The following CACNG3 variants were observed in gnomAD, a reference collection of about 807,000 sequenced individuals.
The protein encoded by CACNG3 is voltage-dependent calcium channel gamma-3 subunit.
CACNG3 carries 3 observed loss-of-function variants against 28.5 expected under a neutral mutation model. The ratio of observed to expected loss-of-function variants is 0.11; its 90% CI spans 0.05 to 0.27. The LOEUF is 0.27. Ranked by LOEUF, CACNG3 falls within the 10% of genes least tolerant of loss-of-function variation. The probability of loss-of-function intolerance (pLI) is 1.00; values close to 1 mark genes in which losing one functional copy is unlikely to be tolerated. For synonymous variants in CACNG3, 174 were observed against 162.2 expected (o/e 1.07, Z -0.55); for missense variants, 236 against 414.4 (o/e 0.57, Z 3.74).
chr16:24,261,383 T>C (rs1898535705), intron 1 of CACNG3, among the ~76,000 whole-genome samples: 1 of 152,184 alleles, frequency 6.6e-6, no homozygotes, highest in Non-Finnish European at 1.5e-5. Flanking sequence ...ATTTTTACCT[T>C]GGAGAAATAG....
chr16:24,329,565 C>T (rs966045339), intron 1 of CACNG3, among the ~76,000 whole-genome samples: 11 of 152,142 alleles, frequency 7.2e-5, no homozygotes, highest in African/African-American at 2.7e-4. Context: ...AATCCAAGCC[C>T]AGGTCTCTCA....
In CACNG3 at chr16:24,323,219, CAAAAAAAA is replaced by C. The variant is rs761999416; in HGVS notation, c.212-23501_212-23494del. Among the ~76,000 whole-genome samples, 3 of 66,794 alleles carry C rather than the reference CAAAAAAAA, an allele frequency of 4.5e-5. No individual in the cohort carries two copies. In the East Asian group the frequency reaches 1.5e-3, roughly 34 times the overall value. The allele number at this position is 66,794 out of a possible 152,430, so 43.8% of individuals were successfully genotyped here. On this transcript the variant is annotated intron_variant, in intron 1 of 3. Coordinates refer to ENST00000005284, the MANE Select transcript of CACNG3 (RefSeq NM_006539.4). ...TCAGCCTGGGCCACAGAGCAGGACT[CAAAAAAAA>C]AAAAAAAAAAAAAGAGAGAGAGAGA...
chr16:24,332,062 A>G (rs980063897), intron 1 of CACNG3, among the ~76,000 whole-genome samples: 12 of 152,310 alleles, frequency 7.9e-5, no homozygotes, highest in East Asian at 1.9e-4. Context: ...TCTCTCTGGT[A>G]GAATATAACA....
intron 1 of CACNG3, among the ~76,000 whole-genome samples, chr16:24,280,843 A>AAAAAAAAAAC: frequency 3.3e-5 from 5 of 151,210 alleles, no homozygotes; most frequent in African/African-American, 7.3e-5. Flanking sequence ...AAAAAAAAAA[A>AAAAAAAAAAC]AAGACCAGAC....
Position 24,296,157 on chromosome 16 carries a change from G to C in CACNG3, c.211+39192G>C, listed in dbSNP as rs1310965314. ...CCCCAGTGTCCACAAGCTCACAATT[G>C]TCATTCTCTTTCTGTGACCCGACTC... On this transcript the variant is annotated intron_variant, in intron 1 of 3. Coordinates refer to ENST00000005284, the MANE Select transcript of CACNG3 (RefSeq NM_006539.4). Among the ~76,000 whole-genome samples the C allele has an allele frequency of 2.6e-5, 4 of 152,146 alleles. No individual in the cohort carries two copies. The East Asian group carries it at 7.7e-4, about 29-fold the overall frequency.
At chr16:24,341,356 C>A (rs1224689740) in intron 1 of CACNG3, among the ~76,000 whole-genome samples, 1 of 151,646 alleles carries the variant, frequency 6.6e-6, no homozygotes, top group African/African-American at 2.4e-5. Context: ...ATTCCTTTTC[C>A]TTCTATATTG....
chr16:24,268,256 T>C (rs945568569), intron 1 of CACNG3, among the ~76,000 whole-genome samples: 2 of 152,352 alleles, frequency 1.3e-5, no homozygotes, highest in Middle Eastern at 3.4e-3. Flanking sequence ...TAGCCCTGTC[T>C]ACTACTAGTT....
chr16:24,303,135 C>G (rs1248435943), intron 1 of CACNG3, among the ~76,000 whole-genome samples: 1 of 152,020 alleles, frequency 6.6e-6, no homozygotes, highest in Non-Finnish European at 1.5e-5. Flanking sequence ...TAAGGTGCAA[C>G]TGGGCCTAAA....
intron 1 of CACNG3, among the ~76,000 whole-genome samples, chr16:24,325,098 CA>C (rs1163712880): frequency 6.6e-6 from 1 of 152,178 alleles, no homozygotes; most frequent in Non-Finnish European, 1.5e-5. Context: ...ATGCCAGGCA[CA>C]GGGCAGATAT....
intron 1 of CACNG3, among the ~76,000 whole-genome samples, chr16:24,345,399 T>C (rs1899848299): frequency 6.6e-6 from 1 of 152,140 alleles, no homozygotes; most frequent in African/African-American, 2.4e-5. Context: ...CCCAAAATGA[T>C]GATTAAACAT....
At chr16:24,299,060 T>TC (rs1335675281) in intron 1 of CACNG3, among the ~76,000 whole-genome samples, 1 of 152,102 alleles carries the variant, frequency 6.6e-6, no homozygotes, top group Non-Finnish European at 1.5e-5. Flanking sequence ...TTTCCCCCTT[T>TC]CCCTATTGTA....
chr16:24,338,287 C>A (rs1452609129), intron 1 of CACNG3, among the ~76,000 whole-genome samples: 1 of 152,100 alleles, frequency 6.6e-6, no homozygotes, highest in Non-Finnish European at 1.5e-5. Flanking sequence ...CTTGCCCCCA[C>A]CCAATGAAGA....
intron 1 of CACNG3, among the ~76,000 whole-genome samples, chr16:24,267,119 A>C (rs2141345685): frequency 6.6e-6 from 1 of 151,888 alleles, no homozygotes; most frequent in Non-Finnish European, 1.5e-5. Context: ...GGAGCCCGCC[A>C]CCACACCTGG....
chr16:24,311,729 G>T (rs1189794295), intron 1 of CACNG3, among the ~76,000 whole-genome samples: 1 of 149,752 alleles, frequency 6.7e-6, no homozygotes, highest in Non-Finnish European at 1.5e-5. Flanking sequence ...GGTGGCGGAT[G>T]CCTGTAATCC....
chr16:24,346,338 G>T (rs1899866487), intron 1 of CACNG3, among the ~76,000 whole-genome samples: 1 of 152,208 alleles, frequency 6.6e-6, no homozygotes, highest in South Asian at 2.1e-4. Context: ...TTGGGAGGCT[G>T]AGGAAGGGAG....
intron 2 of CACNG3, among the ~76,000 whole-genome samples, chr16:24,353,178 T>C (rs1367859583): frequency 6.6e-6 from 1 of 152,166 alleles, no homozygotes; most frequent in East Asian, 1.9e-4. Context: ...TTTCACCATG[T>C]TGCCCAGGTT....
chr16:24,331,472 C>T (rs957029595), intron 1 of CACNG3, among the ~76,000 whole-genome samples: 3 of 152,202 alleles, frequency 2.0e-5, no homozygotes, highest in African/African-American at 7.2e-5. Flanking sequence ...ACCCCCATCA[C>T]CAGTGGCTTC....
chr16:24,317,648 A>AAAGAAAGAAAGAAAGAAAGGAAAAG (rs1491194402), intron 1 of CACNG3, among the ~76,000 whole-genome samples: 5 of 55,736 alleles, frequency 9.0e-5, no homozygotes, highest in African/African-American at 3.4e-4. Flanking sequence ...GAAAGAAAAG[A>AAAGAAAGAAAGAAAGAAAGGAAAAG]AAAGAAAGAA....
intron 1 of CACNG3, among the ~76,000 whole-genome samples, chr16:24,313,367 A>T (rs1899301504): frequency 6.6e-6 from 1 of 152,234 alleles, no homozygotes; most frequent in Non-Finnish European, 1.5e-5. Flanking sequence ...GAAGTAATAC[A>T]GTTGGGATTT....
Sources: allele counts gnomAD v4.1 joint callset (sites outside exome capture counted in the v4.1 genomes callset), GRCh38; gene constraint gnomAD v4.1.1; transcripts MANE v1.5; gene names NCBI Gene and HGNC (gene_info 2026-07-23, HGNC 2026-07-21).